ADAM23: variants seen among roughly 807,000 people sequenced by gnomAD.
ADAM23 encodes the protein ADAM metallopeptidase domain 23, also known as disintegrin and metalloproteinase domain-containing protein 23.
Under a neutral mutation model 120.1 loss-of-function variants are expected in ADAM23, and 33 were observed. That is an observed-to-expected ratio of 0.27 (90% confidence interval 0.21 to 0.37). The LOEUF (loss-of-function observed/expected upper bound fraction) is 0.37. Among genes scored for constraint, ADAM23 ranks in the 10% least tolerant of loss-of-function variants. The pLI is 1.00. For missense variants in ADAM23, 862 were observed against 1,058.2 expected, an observed-to-expected ratio of 0.81 and a Z score of 2.57; for synonymous variants, 367 against 375.2, an observed-to-expected ratio of 0.98 and a Z score of 0.25.
At chr2:206,499,756 T>C (rs1696349357) in intron 3 of ADAM23, among the ~76,000 whole-genome samples, 1 of 152,190 alleles carries the variant, frequency 6.6e-6, no homozygotes, top group Admixed American at 6.6e-5. Flanking sequence ...AATGGAAACA[T>C]CTAGTGACAA....
chr2:206,589,600 T>C (rs1698388053), intron 21 of ADAM23, 86 bp downstream of exon 21: 1 of 1,115,518 alleles, frequency 9.0e-7, no homozygotes, highest in Non-Finnish European at 1.2e-6. Context: ...TAAATGCTAA[T>C]GATTTTTTTC....
chr2:206,518,223 C>T (rs1696772883), intron 3 of ADAM23, among the ~76,000 whole-genome samples: 1 of 152,074 alleles, frequency 6.6e-6, no homozygotes. Flanking sequence ...AATGTGTGTG[C>T]TCATAATTAT....
chr2:206,606,491 G>A (rs1047452098), intron 24 of ADAM23: 2 of 152,190 alleles, frequency 1.3e-5, no homozygotes, highest in African/African-American at 2.4e-5. Flanking sequence ...TTGGAAGCAA[G>A]GAGCATTAAG....
At chr2:206,543,136 G>C (rs904156618) in intron 5 of ADAM23, 117 bp from the exon 6 acceptor site, 1 of 861,586 alleles carries the variant, frequency 1.2e-6, no homozygotes, top group East Asian at 2.5e-5. Flanking sequence ...ACAGTGTAAA[G>C]GGATTTGTTC....
At chr2:206,547,858 G>A (rs1474520894) in intron 7 of ADAM23, among the ~76,000 whole-genome samples, 1 of 152,166 alleles carries the variant, frequency 6.6e-6, no homozygotes, top group Non-Finnish European at 1.5e-5. Flanking sequence ...CACATCTTAA[G>A]TGTGCTAATG....
chr2:206,566,095 C>T (rs540809634), intron 14 of ADAM23, among the ~76,000 whole-genome samples: 1 of 151,706 alleles, frequency 6.6e-6, no homozygotes, highest in South Asian at 2.1e-4. Context: ...GAAGATAACA[C>T]CTATAATATT....
intron 25 of ADAM23, 113 bp downstream of exon 25, chr2:206,610,113 CA>C: frequency 1.1e-6 from 1 of 890,070 alleles, no homozygotes; most frequent in Non-Finnish European, 1.6e-6. Flanking sequence ...AGTCAAACTG[CA>C]AAAAATAAGT....
chr2:206,605,416 T>C (rs2105860913), intron 24 of ADAM23, among the ~76,000 whole-genome samples: 1 of 152,362 alleles, frequency 6.6e-6, no homozygotes, highest in African/African-American at 2.4e-5. Context: ...AGTTTGAGAA[T>C]TTTATAAACA....
intron 25 of ADAM23, among the ~76,000 whole-genome samples, chr2:206,611,619 C>T (rs1698829138): frequency 6.6e-6 from 1 of 152,178 alleles, no homozygotes; most frequent in African/African-American, 2.4e-5. Flanking sequence ...GCCTGGAAAA[C>T]AGTCTATTAC....
At position 206,489,370 on chromosome 2, in the gene ADAM23, A is replaced by G. The variant is rs150241596; in HGVS notation, c.509+8062A>G. ...GGGAATCAGGGAAGGCACTGGCCTT[A>G]GGAATTTGGAGTCAAGACTTCCAAT... On this transcript the variant is annotated intron_variant, in intron 3 of 25. Coordinates refer to ENST00000264377, the MANE Select transcript of ADAM23 (RefSeq NM_003812.4). Among the ~76,000 whole-genome samples the G allele has an allele frequency of 1.2e-3, 185 of 152,330 alleles. No homozygotes were observed. In the Middle Eastern group the frequency reaches 0.014, roughly 11 times the overall value.
chr2:206,503,646 A>G lies in ADAM23; in HGVS notation c.509+22338A>G, dbSNP rs561430741. Among the ~76,000 whole-genome samples the G allele has an allele frequency of 9.9e-5, 15 of 152,272 alleles. No individual in the cohort carries two copies. The South Asian group carries it at 1.7e-3, about 17-fold the overall frequency. ...GCAGTATGTGAAGGGACTGGCATGTATAATAGGCATTTAACGGGTGTTTCA... is the reference window on the plus strand; with the variant it reads ...GCAGTATGTGAAGGGACTGGCATGTGTAATAGGCATTTAACGGGTGTTTCA... On this transcript the variant is annotated intron_variant, in intron 3 of 25. Coordinates refer to ENST00000264377, the MANE Select transcript of ADAM23 (RefSeq NM_003812.4).
At chr2:206,445,227 C>A in intron 1 of ADAM23, 80 bp from the exon 2 acceptor site, 2 of 1,004,334 alleles carry the variant, frequency 2.0e-6, no homozygotes, top group Non-Finnish European at 3.0e-6. Flanking sequence ...CATTTTAGTG[C>A]TTATGTATTT....
intron 20 of ADAM23, 89 bp downstream of exon 20, chr2:206,588,243 A>T: frequency 7.4e-7 from 1 of 1,347,732 alleles, no homozygotes. Context: ...AGAGATGCAC[A>T]GCTTGGAGTG....
At chr2:206,591,748 AG>A (rs1698430221) in intron 21 of ADAM23, among the ~76,000 whole-genome samples, 1 of 152,240 alleles carries the variant, frequency 6.6e-6, no homozygotes, top group Non-Finnish European at 1.5e-5. Flanking sequence ...TGGCTGAACT[AG>A]TAAATTCTAC....
At chr2:206,457,362 A>G (rs902255236) in intron 2 of ADAM23, among the ~76,000 whole-genome samples, 1 of 152,254 alleles carries the variant, frequency 6.6e-6, no homozygotes, top group African/African-American at 2.4e-5. Context: ...AAGAATTATT[A>G]GCGTGACCAA....
At chr2:206,594,565 T>C (rs771641842) in intron 22 of ADAM23, among the ~76,000 whole-genome samples, 172 bp from the exon 23 acceptor site, 1 of 152,138 alleles carries the variant, frequency 6.6e-6, no homozygotes, top group Non-Finnish European at 1.5e-5. Flanking sequence ...TTTTTCATGC[T>C]CTTTTATTAA....
chr2:206,447,937 T>C lies in ADAM23; in HGVS notation c.432+2413T>C, dbSNP rs184538327. 3.7e-4 allele frequency among the ~76,000 whole-genome samples: 56 copies of C among 152,330 alleles called. No homozygotes were observed. In the East Asian group the frequency reaches 6.4e-3, roughly 17 times the overall value. On this transcript the variant is annotated intron_variant, in intron 2 of 25. Coordinates refer to ENST00000264377, the MANE Select transcript of ADAM23 (RefSeq NM_003812.4). ...TATGTCTGAAGAAATTTCGTAAATG[T>C]TCAATGTTGATCAATCTTTATTACT...
In ADAM23 at chr2:206,594,760, A is replaced by T; in HGVS notation, c.2102A>T (p.Asp701Val). The change falls in exon 23 of 26, where the codon GAT becomes GTT. Residue 701 changes from aspartate (D) to valine (V), a missense_variant. Coordinates refer to ENST00000264377, the MANE Select transcript of ADAM23 (RefSeq NM_003812.4). ...DCSGAHVVLD[D>V]DTDVGYVEDG... ...AGTGGTGCCCATGTAGTTTTAGATG[A>T]TGATACGGATGTGGGCTATGTAGAA... 1 of 1,614,166 alleles carries T rather than the reference A, an allele frequency of 6.2e-7. No homozygotes were observed. The highest frequency in any genetic ancestry group is 8.5e-7 in the Non-Finnish European group (1 of 1,179,998).
intron 2 of ADAM23, among the ~76,000 whole-genome samples, chr2:206,469,977 C>G (rs1304451072): frequency 1.3e-5 from 2 of 152,172 alleles, no homozygotes; most frequent in Non-Finnish European, 2.9e-5. Context: ...TAAAAACTCC[C>G]TAACTTATTT....
Sources: gnomAD v4.1 joint callset for allele counts (sites outside exome capture counted in the v4.1 genomes callset) on GRCh38, gnomAD v4.1.1 for gene constraint, MANE v1.5 for transcripts, NCBI Gene and HGNC (gene_info 2026-07-23, HGNC 2026-07-21) for gene names.